WDR31: variants seen among roughly 807,000 people sequenced by gnomAD.
WDR31 encodes WD repeat-containing protein 31.
In WDR31, 30 loss-of-function variants were observed where a neutral mutation model predicts 47.3. The observed-to-expected ratio is 0.63, with a 90% CI of 0.47 to 0.86. The LOEUF is 0.86. Among genes scored for constraint, WDR31 ranks in the 40% least tolerant of loss-of-function variants. The pLI, the probability that WDR31 is intolerant of heterozygous loss-of-function variation, is 0.00. For synonymous variants in WDR31, 137 were observed against 159.4 expected, an observed-to-expected ratio of 0.86 and a Z score of 1.06; for missense variants, 406 against 442.9, an observed-to-expected ratio of 0.92 and a Z score of 0.75.
rs1343770892 is a variant in WDR31, at chr9:113,324,826, ATATG to A, written c.325-1675_325-1672del. Among the ~76,000 whole-genome samples the A allele has an allele frequency of 3.9e-3, 426 of 109,348 alleles. 1 individual carries two copies. Among genetic ancestry groups the A allele is most frequent in the African/African-American group, 0.014 (361 of 25,212 alleles). 71.7% of individuals were successfully genotyped at this position (109,348 alleles called of 152,430 possible). ...TTATAAACAATGCTGCTATATATAT[ATATG>A]TGTGTGTGTGTGTGTGTGTGTGTGT... On this transcript the variant is annotated intron_variant, in intron 5 of 10. Coordinates refer to ENST00000374193, the MANE Select transcript of WDR31 (RefSeq NM_001012361.4).
rs10120336 is a variant in WDR31, at chr9:113,331,225, C to T, written c.117-109G>A. 6.0e-3 allele frequency: 4,783 copies of T among 800,752 alleles called. 172 individuals are homozygous for T. In the African/African-American group the frequency reaches 0.074, roughly 12 times the overall value. 49.6% of individuals were successfully genotyped at this position (800,752 alleles called of 1,614,324 possible). A position where few individuals can be genotyped will look rare whatever the true frequency, so the allele number is the denominator to read the frequency against. ...GGTTAAGAAGGCAATTCAGGCCAGA[C>T]TAAGGAGAAATATTTAAAAAGGAGA... On this transcript the variant is annotated intron_variant, in intron 3 of 10. Coordinates refer to ENST00000374193, the MANE Select transcript of WDR31 (RefSeq NM_001012361.4).
rs756364170 is a variant in WDR31 at position 113,314,967 on chromosome 9, G to A, written c.*1782C>T. 14 of 152,162 alleles carry A rather than the reference G, an allele frequency of 9.2e-5. No individual in the cohort carries two copies. Among genetic ancestry groups the A allele is most frequent in the Non-Finnish European group, 1.8e-4 (12 of 68,046 alleles). 9.4% of individuals were successfully genotyped at this position (152,162 alleles called of 1,614,324 possible). A position where few individuals can be genotyped will look rare whatever the true frequency, so the allele number is the denominator to read the frequency against. ...CCAGTCTTCAGAACAGCCCTGTGGCGAGGTATGATCATGAAACCCACGTTA... is the reference window on the plus strand; with the variant it reads ...CCAGTCTTCAGAACAGCCCTGTGGCAAGGTATGATCATGAAACCCACGTTA... On this transcript the variant is annotated 3_prime_UTR_variant, in exon 11 of 11. Transcript: ENST00000374193.
At position 113,316,827 on chromosome 9, in the gene WDR31, T is replaced by C; in HGVS notation, c.1026A>G (p.Ala342=). The stretch of plus-strand genomic sequence containing the variant: ...GTAAGTGAATTCCTCTGTTAAAACT[T>C]GCACACAATAAGGAGATGGCGTCAC... The part of the protein sequence containing the change: ...AVGDAISLLC[A]SFNRGIHLLR... Residue 342 remains alanine (A), a synonymous_variant, in exon 11 of 11, where the codon GCA becomes GCG. Coordinates refer to ENST00000374193, the MANE Select transcript of WDR31 (RefSeq NM_001012361.4). 6.2e-7 allele frequency: 1 copy of C among 1,614,102 alleles called. No individual in the cohort carries two copies. Among genetic ancestry groups the C allele is most frequent in the Non-Finnish European group, 8.5e-7 (1 of 1,180,018 alleles).
chr9:113,330,883 T>C, intron 4 of WDR31, 101 bp downstream of exon 4: 1 of 1,358,888 alleles, frequency 7.4e-7, no homozygotes, highest in East Asian at 2.4e-5. Context: ...TTTTTACACT[T>C]GTCAACCCTG....
chr9:113,328,884 G>T lies in WDR31; in HGVS notation c.321C>A (p.Thr107=), dbSNP rs1215593627. The change falls in exon 5 of 11, where the codon ACC becomes ACA. Residue 107 remains threonine (T), a synonymous_variant. Transcript: ENST00000374193. ...ATAATAATCATTTGAAAATTACCTT[G>T]GTGATCTCATGTTCATGTCCTTTGA... ...KRFKGHEHEI[T]KVACIPKSSQ... The T allele has an allele frequency of 2.5e-6, 4 of 1,612,428 alleles. No individual in the cohort carries two copies. Among genetic ancestry groups the T allele is most frequent in the Non-Finnish European group, 3.4e-6 (4 of 1,178,596 alleles).
In WDR31 at chr9:113,318,581, C is replaced by T; in HGVS notation, c.837G>A (p.Gln279=). The change falls in exon 10 of 11, where the codon CAG becomes CAA. Residue 279 remains glutamine (Q), a synonymous_variant. Transcript: ENST00000374193. ...NRICEYKGHF[Q]TVASCVFLPR... ...GTAGAAAGACGCAGGATGCGACAGT[C>T]TGGAAATGCCCCTTATACTCACATA... 1 of 1,614,212 alleles carries T rather than the reference C, an allele frequency of 6.2e-7. No individual in the cohort carries two copies. Among genetic ancestry groups the T allele is most frequent in the South Asian group, 1.1e-5 (1 of 91,084 alleles).
Position 113,321,567 on chromosome 9 carries a change from C to G in WDR31, c.582G>C (p.Leu194=). 1 of 1,614,194 alleles carries G rather than the reference C, an allele frequency of 6.2e-7. No homozygotes were observed. The highest frequency in any genetic ancestry group is 1.1e-5 in the South Asian group (1 of 91,074). ...TGTATGGTTCTCTGGGGACCCAGCA[C>G]AGGTGAGTGACCTAGAAAAAGCAAA... ...ASVSRNVVTH[L]CWVPREPYIL... is the part of the protein sequence containing the mutation. Residue 194 remains leucine (L), a synonymous_variant, in exon 8 of 11, where the codon CTG becomes CTC. Transcript: ENST00000374193.
rs1235729455 is a variant in WDR31, at chr9:113,313,524, TACAA to T, written c.*3221_*3224del. The stretch of plus-strand genomic sequence containing the variant: ...GAAAGTTAATAACTGGTCTTGAAGA[TACAA>T]ACAATGTCATGGTCTATGACTTTGT... On this transcript the variant is annotated 3_prime_UTR_variant, in exon 11 of 11. Transcript: ENST00000374193. The T allele has an allele frequency of 2.6e-5, 4 of 152,350 alleles. No individual in the cohort carries two copies. Among genetic ancestry groups the T allele is most frequent in the African/African-American group, 9.6e-5 (4 of 41,582 alleles). 9.4% of individuals were successfully genotyped at this position (152,350 alleles called of 1,614,324 possible).
intron 9 of WDR31, 117 bp downstream of exon 9, chr9:113,320,239 TG>T (rs1355180850): frequency 7.5e-7 from 1 of 1,340,684 alleles, no homozygotes; most frequent in Non-Finnish European, 1.0e-6. Flanking sequence ...AGTATGCTTT[TG>T]AAAGAGGCCT....
At position 113,316,850 on chromosome 9, in the gene WDR31, C is replaced by T. The variant is rs1025054212; in HGVS notation, c.1003G>A (p.Asp335Asn). The change falls in exon 11 of 11, where the codon GAC becomes AAC. Residue 335 changes from aspartate (D) to asparagine (N), a missense_variant. Transcript: ENST00000374193. ...SGPLTSLAVG[D>N]AISLLCASFN... ...CTTGCACACAATAAGGAGATGGCGTCACCAACAGCCAGAGAAGTCAAGGGT... is the reference window on the plus strand; with the variant it reads ...CTTGCACACAATAAGGAGATGGCGTTACCAACAGCCAGAGAAGTCAAGGGT... The T allele has an allele frequency of 1.2e-6, 2 of 1,614,018 alleles. No individual in the cohort carries two copies. The highest frequency in any genetic ancestry group is 1.7e-6 in the Non-Finnish European group (2 of 1,180,040).
intron 1 of WDR31, among the ~76,000 whole-genome samples, chr9:113,339,002 G>T (rs2118873931): frequency 6.6e-6 from 1 of 152,234 alleles, no homozygotes; most frequent in Non-Finnish European, 1.5e-5. Context: ...CAGTCACCCT[G>T]TTTCATCCCA....
intron 9 of WDR31, among the ~76,000 whole-genome samples, chr9:113,319,041 T>A (rs1334058430): frequency 1.3e-5 from 2 of 152,210 alleles, no homozygotes; most frequent in Non-Finnish European, 2.9e-5. Flanking sequence ...CCTCTTGGCA[T>A]CTGTGGGCCC....
At chr9:113,333,691 T>C (rs1159571406) in intron 2 of WDR31, among the ~76,000 whole-genome samples, 1 of 152,120 alleles carries the variant, frequency 6.6e-6, no homozygotes, top group Non-Finnish European at 1.5e-5. Flanking sequence ...GGATTTTTTT[T>C]TTTTTAATAA....
At chr9:113,331,164 GGGGGTGGGGTGGGGT>G in intron 3 of WDR31, 48 bp from the exon 4 acceptor site, 14 of 1,434,052 alleles carry the variant, frequency 9.8e-6, no homozygotes, top group Middle Eastern at 2.2e-4. Context: ...GGGAGTGGAT[GGGGGTGGGGTGGGGT>G]GGGGTAGGGA....
At chr9:113,322,656 C>T (rs182760129) in intron 7 of WDR31, among the ~76,000 whole-genome samples, 155 bp downstream of exon 7, 239 of 152,156 alleles carry the variant, frequency 1.6e-3, no homozygotes, top group Non-Finnish European at 2.9e-3. Context: ...ATCTAATAAC[C>T]CTGAGAGGCC....
intron 8 of WDR31, 144 bp from the exon 9 acceptor site, chr9:113,320,642 A>C (rs1833307899): frequency 9.8e-7 from 1 of 1,022,620 alleles, no homozygotes; most frequent in Non-Finnish European, 1.4e-6. Flanking sequence ...AAACGGCAGC[A>C]TGAACCAGAT....
chr9:113,333,835 T>A (rs970200770), intron 2 of WDR31, among the ~76,000 whole-genome samples: 3 of 152,172 alleles, frequency 2.0e-5, no homozygotes, highest in Non-Finnish European at 4.4e-5. Flanking sequence ...CCATGGAACA[T>A]GGGGGATTCC....
chr9:113,321,705 C>T, intron 7 of WDR31, 127 bp from the exon 8 acceptor site: 1 of 860,458 alleles, frequency 1.2e-6, no homozygotes, highest in Non-Finnish European at 1.8e-6. Context: ...AATTCATTTA[C>T]AGGCATCTTA....
chr9:113,335,293 C>A (rs992717601), intron 2 of WDR31, among the ~76,000 whole-genome samples: 2 of 152,140 alleles, frequency 1.3e-5, no homozygotes, highest in African/African-American at 2.4e-5. Flanking sequence ...GAAGATGTGA[C>A]CAGCATGAAC....
Sources: allele counts gnomAD v4.1 joint callset (sites outside exome capture counted in the v4.1 genomes callset), GRCh38; gene constraint gnomAD v4.1.1; transcripts MANE v1.5; gene names NCBI Gene and HGNC (gene_info 2026-07-23, HGNC 2026-07-21).